The following HHIPL1 variants were observed in gnomAD, a reference collection of about 807,000 sequenced individuals.
HHIPL1 encodes HHIP like 1.
In HHIPL1, 43 loss-of-function variants were observed where a neutral mutation model predicts 61.8. The ratio of observed to expected loss-of-function variants is 0.70; its 90% CI spans 0.55 to 0.90. The LOEUF is 0.90. Ranked by LOEUF, HHIPL1 falls within the 40% of genes least tolerant of loss-of-function variation. The pLI, the probability that HHIPL1 is intolerant of heterozygous loss-of-function variation, is 0.00. For synonymous variants in HHIPL1, 482 were observed against 515.8 expected (o/e 0.93, Z 0.89); for missense variants, 1,056 against 1,157.7 (o/e 0.91, Z 1.28).
chr14:99,617,042 C>T, the HHIPL1 span, among the ~76,000 whole-genome samples: 8 of 152,116 alleles, frequency 5.3e-5, no homozygotes, highest in Non-Finnish European at 1.2e-4. Context: ...GAAGTGGCCC[C>T]AGAGCAGAAG....
At chr14:99,637,078 G>A in the HHIPL1 span, among the ~76,000 whole-genome samples, 198 of 99,114 alleles carry the variant, frequency 2.0e-3, 6 homozygotes, top group Admixed American at 2.5e-3. Flanking sequence ...AAGAAAGAGA[G>A]AGAAAGAAAG....
chr14:99,639,939 C>T, the HHIPL1 span, among the ~76,000 whole-genome samples: 2 of 152,194 alleles, frequency 1.3e-5, no homozygotes, highest in Non-Finnish European at 2.9e-5. Context: ...GGATTACAGA[C>T]GTGAGCCACC....
In HHIPL1 at chr14:99,652,849, C is replaced by A. The variant is rs754252372; in HGVS notation, c.881C>A (p.Ala294Asp). The A allele has an allele frequency of 3.1e-6, 5 of 1,613,620 alleles. No homozygotes were observed. The highest frequency in any genetic ancestry group is 4.2e-6 in the Non-Finnish European group (5 of 1,179,820). The change falls in exon 2 of 9, where the codon GCC becomes GAC. Residue 294 changes from alanine (A) to aspartate (D), a missense_variant. Transcript: ENST00000330710. Reference protein sequence around the residue: ...EFRVSEDDENAVDHSSERIIL... With the variant: ...EFRVSEDDENDVDHSSERIIL... Reference sequence around the variant, plus strand: ...AGAGTCTCCGAGGATGACGAGAACGCCGTGGACCACAGCTCTGAGAGGTGG... The same window carrying A: ...AGAGTCTCCGAGGATGACGAGAACGACGTGGACCACAGCTCTGAGAGGTGG...
At chr14:99,673,831 A>AG (rs1296935548) in intron 8 of HHIPL1, among the ~76,000 whole-genome samples, 8 of 58,794 alleles carry the variant, frequency 1.4e-4, no homozygotes, top group South Asian at 8.7e-4. Flanking sequence ...GGCGGCATGG[A>AG]GGGGGGGTGC....
chr14:99,615,614 GAAGA>G, the HHIPL1 span, among the ~76,000 whole-genome samples: 14 of 140,680 alleles, frequency 1.0e-4, no homozygotes, highest in African/African-American at 3.4e-4. Flanking sequence ...GGAAAGGAAG[GAAGA>G]AAGAAAGGAA....
the HHIPL1 span, among the ~76,000 whole-genome samples, chr14:99,619,429 T>A: frequency 6.7e-6 from 1 of 149,180 alleles, no homozygotes. Flanking sequence ...ACTGTTGCAC[T>A]CTAGCCGGGG....
chr14:99,659,742 C>T lies in HHIPL1; in HGVS notation c.1361C>T (p.Ala454Val). 1 of 1,438,784 alleles carries T rather than the reference C, an allele frequency of 7.0e-7. No individual in the cohort carries two copies. The highest frequency in any genetic ancestry group is 9.1e-7 in the Non-Finnish European group (1 of 1,101,016). 89.1% of individuals were successfully genotyped at this position (1,438,784 alleles called of 1,614,324 possible). A position where few individuals can be genotyped will look rare whatever the true frequency, so the allele number is the denominator to read the frequency against. The part of the protein sequence containing the change: ...GFECYDRSLC[A>V]NTSLNDLLPI... ...GAGTGCTACGACCGCAGCCTGTGCG[C>T]CAACACCTCTCTCAGTGAGTGCCCG... is the stretch of plus-strand genomic sequence containing the variant. The change falls in exon 4 of 9, where the codon GCC becomes GTC. Residue 454 changes from alanine to valine, a missense_variant. Ala to Val is a moderately conservative substitution (Grantham distance 64). Transcript: ENST00000330710.
chr14:99,637,035 GA>G, the HHIPL1 span, among the ~76,000 whole-genome samples: 39 of 101,018 alleles, frequency 3.9e-4, 1 homozygote, highest in African/African-American at 1.2e-3. Context: ...AAGAAAGAAA[GA>G]AAGAAAGAAA....
Position 99,668,252 on chromosome 14 carries a change from C to T in HHIPL1, c.1679C>T (p.Pro560Leu), listed in dbSNP as rs780839053. The change falls in exon 7 of 9, where the codon CCG becomes CTG. Residue 560 changes from proline (P) to leucine (L), a missense_variant. Physicochemically the swap from Pro to Leu is moderately conservative, Grantham distance 98. Transcript: ENST00000330710. The surrounding 1 kb of genome is among the most constrained non-coding windows in gnomAD (Gnocchi z 4.7). ...CTGTACTTCATGTCGACAGGGGAGC[C>T]GAGTGCCACAGCTCCACGCGGAGTT... The part of the protein sequence containing the change: ...GELYFMSTGE[P>L]SATAPRGVVY... 12 of 1,612,340 alleles carry T rather than the reference C, an allele frequency of 7.4e-6. No individual in the cohort carries two copies. The highest frequency in any genetic ancestry group is 1.1e-5 in the South Asian group (1 of 91,040).
chr14:99,654,385 G>A (rs1315449968), intron 2 of HHIPL1, among the ~76,000 whole-genome samples: 1 of 152,070 alleles, frequency 6.6e-6, no homozygotes, highest in African/African-American at 2.4e-5. Flanking sequence ...AGGAGGAGGT[G>A]GAGCCGAGAG....
chr14:99,661,629 G>T (rs2056155663), intron 5 of HHIPL1, among the ~76,000 whole-genome samples: 2 of 152,184 alleles, frequency 1.3e-5, no homozygotes, highest in South Asian at 4.1e-4. Flanking sequence ...CACCACGCTT[G>T]GCTAATTTTT....
In HHIPL1 at chr14:99,675,077, C is replaced by A; in HGVS notation, c.1814-14C>A. On this transcript the variant is annotated splice_polypyrimidine_tract_variant and intron_variant, in intron 8 of 8. Coordinates refer to ENST00000330710, the MANE Select transcript of HHIPL1 (RefSeq NM_001127258.3). The surrounding 1 kb of genome is among the most constrained non-coding windows in gnomAD (Gnocchi z 5.4). ...GCCTGGGTCCCTCTGACGGCATACT[C>A]TTCCTCTGCGCAGAGTTCATCCCGA... 2 of 1,147,976 alleles carry A rather than the reference C, an allele frequency of 1.7e-6. No individual in the cohort carries two copies. The highest frequency in any genetic ancestry group is 6.1e-5 in the South Asian group (2 of 32,984). 71.1% of individuals were successfully genotyped at this position (1,147,976 alleles called of 1,614,324 possible).
At chr14:99,665,978 C>T (rs2056239006) in intron 6 of HHIPL1, among the ~76,000 whole-genome samples, 1 of 151,908 alleles carries the variant, frequency 6.6e-6, no homozygotes, top group Non-Finnish European at 1.5e-5. Flanking sequence ...GATGGGGTTT[C>T]ACCATGTTGG....
At position 99,677,698 on chromosome 14, in the gene HHIPL1, C is replaced by T. The variant is rs1036028517; in HGVS notation, c.*2072C>T. 3 of 152,260 alleles carry T rather than the reference C, an allele frequency of 2.0e-5. No individual in the cohort carries two copies. Among genetic ancestry groups the T allele is most frequent in the Non-Finnish European group, 4.4e-5 (3 of 68,072 alleles). 9.4% of individuals were successfully genotyped at this position (152,260 alleles called of 1,614,324 possible). ...GAGGCCCTCAAGAATGCAGCCGAGCCAGGGCCCTGCTTGCCTGGCCCCAGA... is the reference window on the plus strand; with the variant it reads ...GAGGCCCTCAAGAATGCAGCCGAGCTAGGGCCCTGCTTGCCTGGCCCCAGA... On this transcript the variant is annotated 3_prime_UTR_variant, in exon 9 of 9. Coordinates refer to ENST00000330710, the MANE Select transcript of HHIPL1 (RefSeq NM_001127258.3). The surrounding 1 kb of genome is among the most constrained non-coding windows in gnomAD (Gnocchi z 4.3).
At chr14:99,606,829 G>A in the HHIPL1 span, among the ~76,000 whole-genome samples, 1 of 152,080 alleles carries the variant, frequency 6.6e-6, no homozygotes, top group Non-Finnish European at 1.5e-5. Flanking sequence ...GAATGCTTGG[G>A]CAGAACAGGA....
chr14:99,635,534 C>T, the HHIPL1 span, among the ~76,000 whole-genome samples: 42 of 152,202 alleles, frequency 2.8e-4, no homozygotes, highest in Middle Eastern at 0.017. Context: ...CTGCTTGGGC[C>T]GTCAGGGGTT....
chr14:99,624,901 A>G, the HHIPL1 span: 1 of 152,244 alleles, frequency 6.6e-6, no homozygotes, highest in Non-Finnish European at 1.5e-5. Context: ...TGGGCAGCCC[A>G]TCAAATTCAC....
chr14:99,647,677 G>A (rs775999223), intron 1 of HHIPL1, among the ~76,000 whole-genome samples: 6 of 152,206 alleles, frequency 3.9e-5, no homozygotes, highest in South Asian at 4.1e-4. Flanking sequence ...GCATGCTGGC[G>A]GGAGGACCAT....
At chr14:99,652,099 A>G in intron 1 of HHIPL1, 125 bp from the exon 2 acceptor site, 1 of 829,370 alleles carries the variant, frequency 1.2e-6, no homozygotes, top group African/African-American at 1.7e-5. Flanking sequence ...TAACAGGCAG[A>G]TGGCGTTGTC....
Sources: gnomAD v4.1 joint callset for allele counts (sites outside exome capture counted in the v4.1 genomes callset) on GRCh38, gnomAD v4.1.1 for gene constraint, Gnocchi (gnomAD v3.1) non-coding constraint, MANE v1.5 for transcripts, NCBI Gene and HGNC (gene_info 2026-07-23, HGNC 2026-07-21) for gene names.